The following TENM3 variants were observed in gnomAD, a reference collection of about 807,000 sequenced individuals.
TENM3 encodes teneurin-3.
A neutral mutation model predicts 255.1 loss-of-function variants in TENM3; 63 were observed. The observed-to-expected ratio is 0.25, with a 90% CI of 0.20 to 0.30. The LOEUF (loss-of-function observed/expected upper bound fraction) is 0.30, where lower values mean the gene tolerates loss of function less well. TENM3 is among the 10% of genes least tolerant of loss of function. The probability of loss-of-function intolerance (pLI) is 1.00; values close to 1 mark genes in which losing one functional copy is unlikely to be tolerated. For missense variants in TENM3, 2,929 were observed against 3,461.1 expected (o/e 0.85, Z 3.86); for synonymous variants, 1,306 against 1,322.3 (o/e 0.99, Z 0.27).
chr4:182,219,803 C>T (rs916042814), intron 1 of TENM3, among the ~76,000 whole-genome samples: 6 of 152,136 alleles, frequency 3.9e-5, no homozygotes, highest in Non-Finnish European at 1.5e-5. Context: ...GGACACTTAT[C>T]AAGTTTGACT....
chr4:182,077,602 A>T, the TENM3 span, among the ~76,000 whole-genome samples: 2 of 152,184 alleles, frequency 1.3e-5, no homozygotes, highest in Admixed American at 1.3e-4. Context: ...TTCCCTGAGG[A>T]AGTAATGCTT....
chr4:182,144,581 G>GCGCCCCCTCCC (rs1175151725), upstream of TENM3: 1 of 148,604 alleles, frequency 6.7e-6, no homozygotes, highest in Non-Finnish European at 1.5e-5. Flanking sequence ...TGTAACACTC[G>GCGCCCCCTCCC]CGCCCCCTCC....
the TENM3 span, among the ~76,000 whole-genome samples, chr4:181,988,533 G>A: frequency 6.6e-6 from 1 of 152,084 alleles, no homozygotes; most frequent in Admixed American, 6.6e-5. Context: ...AGATGATGAT[G>A]ATGATGATAG....
chr4:182,019,620 C>T, the TENM3 span, among the ~76,000 whole-genome samples: 1 of 152,158 alleles, frequency 6.6e-6, no homozygotes, highest in Non-Finnish European at 1.5e-5. Context: ...TGACCTGTAG[C>T]CTTGACCTCG....
chr4:181,804,405 AG>A, the TENM3 span, among the ~76,000 whole-genome samples: 1 of 152,226 alleles, frequency 6.6e-6, no homozygotes, highest in African/African-American at 2.4e-5. Context: ...CCAGCCCTAA[AG>A]GGGAAGCAGA....
At chr4:181,460,878 T>C in the TENM3 span, among the ~76,000 whole-genome samples, 20,197 of 151,858 alleles carry the variant, frequency 0.13, 1,516 homozygotes, top group East Asian at 0.28. Context: ...GCATCATTAC[T>C]TGGTTTTATT....
chr4:182,249,995 T>C (rs1757894265), intron 1 of TENM3, among the ~76,000 whole-genome samples: 1 of 151,986 alleles, frequency 6.6e-6, no homozygotes, highest in Non-Finnish European at 1.5e-5. Context: ...AATGATTTGA[T>C]TGCAAACAAC....
At position 182,801,658 on chromosome 4, in the gene TENM3, A is replaced by AG. The variant is rs2152842988; in HGVS notation, c.*1308dup. The AG allele has an allele frequency of 6.6e-6, 1 of 152,412 alleles. No homozygotes were observed. The highest frequency in any genetic ancestry group is 1.5e-5 in the Non-Finnish European group (1 of 68,080). 9.4% of individuals were successfully genotyped at this position (152,412 alleles called of 1,614,324 possible). On this transcript the variant is annotated 3_prime_UTR_variant, in exon 28 of 28. Transcript: ENST00000511685. The stretch of plus-strand genomic sequence containing the variant: ...TGTCTTAAGATCTAGGAAAGACAGC[A>AG]GAAACCGAGCAGTGGTGGGTGAGCC...
chr4:182,129,037 C>T, the TENM3 span, among the ~76,000 whole-genome samples: 2 of 152,054 alleles, frequency 1.3e-5, no homozygotes, highest in Non-Finnish European at 2.9e-5. Flanking sequence ...TTTGAGGCCA[C>T]GCAGAAAGAT....
intron 1 of TENM3, among the ~76,000 whole-genome samples, chr4:182,190,766 G>A (rs563323226): frequency 1.2e-4 from 18 of 152,028 alleles, no homozygotes; most frequent in South Asian, 8.3e-4. Flanking sequence ...CATAATTCAC[G>A]TTTTGCCCAC....
rs1733812049 is a variant in TENM3 at position 182,477,710 on chromosome 4, A to AT, written c.512-123210dup. On this transcript the variant is annotated intron_variant, in intron 3 of 27. Coordinates refer to ENST00000511685, the MANE Select transcript of TENM3 (RefSeq NM_001080477.4). ...TTACATAGCACAAGCTGTTTAATAC[A>AT]TTTTGTATCTGAGATGCAACAAATC... is the stretch of plus-strand genomic sequence containing the variant. Among the ~76,000 whole-genome samples, 4 of 152,318 alleles carry AT rather than the reference A, an allele frequency of 2.6e-5. No homozygotes were observed. The South Asian group carries it at 8.3e-4, about 32-fold the overall frequency.
chr4:182,584,689 G>C (rs968392787), intron 3 of TENM3, among the ~76,000 whole-genome samples: 1 of 151,998 alleles, frequency 6.6e-6, no homozygotes, highest in Non-Finnish European at 1.5e-5. Flanking sequence ...GCCCAGGCTG[G>C]AGTGCAGTGG....
At chr4:181,922,440 A>G in the TENM3 span, among the ~76,000 whole-genome samples, 4 of 152,160 alleles carry the variant, frequency 2.6e-5, no homozygotes, top group East Asian at 3.9e-4. Flanking sequence ...CAGAAATTCA[A>G]CTTCTTCCTG....
the TENM3 span, among the ~76,000 whole-genome samples, chr4:181,877,387 A>G: frequency 6.6e-6 from 1 of 152,360 alleles, no homozygotes; most frequent in South Asian, 2.1e-4. Context: ...ATCCAATTAC[A>G]GCAGATGCCT....
chr4:181,868,503 A>G, the TENM3 span, among the ~76,000 whole-genome samples: 1 of 152,086 alleles, frequency 6.6e-6, no homozygotes, highest in Admixed American at 6.6e-5. Context: ...ACCCCAGCAA[A>G]CATCACCTGT....
chr4:181,859,885 A>C, the TENM3 span, among the ~76,000 whole-genome samples: 1 of 152,168 alleles, frequency 6.6e-6, no homozygotes, highest in Non-Finnish European at 1.5e-5. Context: ...ACTTCCTTCA[A>C]AGCTATTATT....
intron 1 of TENM3, among the ~76,000 whole-genome samples, chr4:182,292,854 A>G (rs1203383940): frequency 1.3e-5 from 2 of 152,212 alleles, no homozygotes; most frequent in Non-Finnish European, 2.9e-5. Flanking sequence ...AAGGTTTTCC[A>G]TAAGGAAGAG....
chr4:182,102,954 C>T, the TENM3 span, among the ~76,000 whole-genome samples: 9 of 152,234 alleles, frequency 5.9e-5, no homozygotes, highest in South Asian at 1.9e-3. Flanking sequence ...CACCAGAAAA[C>T]CATAATAATA....
intron 1 of TENM3, among the ~76,000 whole-genome samples, chr4:182,153,346 A>G (rs3884647): frequency 0.23 from 35,391 of 151,990 alleles, 4,633 homozygotes; most frequent in Non-Finnish European, 0.3. Context: ...AATGTGAAAG[A>G]TGAATGATAC....
Sources: gnomAD v4.1 joint callset for allele counts (sites outside exome capture counted in the v4.1 genomes callset) on GRCh38, gnomAD v4.1.1 for gene constraint, MANE v1.5 for transcripts, NCBI Gene and HGNC (gene_info 2026-07-23, HGNC 2026-07-21) for gene names.